The following MDGA2 variants were observed in gnomAD, a reference collection of about 807,000 sequenced individuals.
MDGA2 encodes MAM domain containing glycosylphosphatidylinositol anchor 2.
In MDGA2, 40 loss-of-function variants were observed where a neutral mutation model predicts 117.8. That is an observed-to-expected ratio of 0.34 (90% CI 0.26 to 0.44). MDGA2 has a LOEUF of 0.44. MDGA2 is among the 20% of genes least tolerant of loss of function. The pLI is 1.00. For missense variants in MDGA2, 1,123 were observed against 1,250.6 expected, an observed-to-expected ratio of 0.90 and a Z score of 1.54; for synonymous variants, 452 against 439.0, an observed-to-expected ratio of 1.03 and a Z score of -0.37.
rs1362627222 is a variant in MDGA2, at chr14:47,035,260, T to A, written c.1570A>T (p.Thr524Ser). The change falls in exon 8 of 17, where the codon ACC becomes TCC. Residue 524 changes from threonine (T) to serine (S), a missense_variant. Physicochemically the swap from Thr to Ser is moderately conservative, Grantham distance 58. This residue lies in a region of MDGA2 where 890 missense variants were observed against 1,050.3 expected (regional missense o/e 0.85). Coordinates refer to ENST00000399232, the MANE Select transcript of MDGA2 (RefSeq NM_001113498.3). Reference protein sequence around the residue: ...TVPQEKSPLVTREGDTIELQC... With the variant: ...TVPQEKSPLVSREGDTIELQC... ...AGTTCTATTGTGTCTCCTTCTCTGG[T>A]GACCAATGGTGATTTTTCCTGTGGA... 5 of 1,613,924 alleles carry A rather than the reference T, an allele frequency of 3.1e-6. No homozygotes were observed. Among genetic ancestry groups the A allele is most frequent in the Non-Finnish European group, 4.2e-6 (5 of 1,179,956 alleles).
At chr14:47,198,083 C>T (rs1270683130) in intron 3 of MDGA2, among the ~76,000 whole-genome samples, 2 of 152,044 alleles carry the variant, frequency 1.3e-5, no homozygotes, top group African/African-American at 4.8e-5. Context: ...TATTCATAGC[C>T]ATGTAATTAT....
chr14:47,238,118 C>T (rs949373931), intron 2 of MDGA2, among the ~76,000 whole-genome samples: 11 of 152,188 alleles, frequency 7.2e-5, no homozygotes, highest in Non-Finnish European at 1.5e-4. Context: ...CTTTTAACTT[C>T]ATGCAAGCCT....
intron 1 of MDGA2, among the ~76,000 whole-genome samples, chr14:47,650,448 G>A (rs932192740): frequency 2.0e-5 from 3 of 152,196 alleles, no homozygotes; most frequent in Non-Finnish European, 4.4e-5. Flanking sequence ...TGTGTGGAGT[G>A]TGCAGGTTCT....
intron 1 of MDGA2, among the ~76,000 whole-genome samples, chr14:47,642,075 G>A (rs1402878930): frequency 6.6e-6 from 1 of 152,080 alleles, no homozygotes; most frequent in Non-Finnish European, 1.5e-5. Flanking sequence ...AAAATAAGGA[G>A]GGGAGAAGAT....
At chr14:46,979,671 A>G (rs1322211906) in intron 8 of MDGA2, among the ~76,000 whole-genome samples, 1 of 152,168 alleles carries the variant, frequency 6.6e-6, no homozygotes, top group Non-Finnish European at 1.5e-5. Context: ...CCCAAACCCT[A>G]ATTTACAGCA....
intron 8 of MDGA2, among the ~76,000 whole-genome samples, chr14:47,030,165 C>T (rs1351354461): frequency 2.0e-5 from 3 of 151,896 alleles, no homozygotes; most frequent in Admixed American, 6.6e-5. Flanking sequence ...TTTGGAAATC[C>T]AATGGAACTT....
intron 1 of MDGA2, among the ~76,000 whole-genome samples, chr14:47,522,532 G>C (rs1048978599): frequency 1.3e-5 from 2 of 152,040 alleles, no homozygotes; most frequent in African/African-American, 4.8e-5. Flanking sequence ...AAACTGTAAA[G>C]TTAGAACAAT....
At chr14:47,108,901 T>A (rs1880887352) in intron 5 of MDGA2, among the ~76,000 whole-genome samples, 1 of 152,224 alleles carries the variant, frequency 6.6e-6, no homozygotes, top group Non-Finnish European at 1.5e-5. Flanking sequence ...GTTGGGGTAC[T>A]AATACCTAGC....
chr14:47,406,337 A>G (rs905139318), intron 1 of MDGA2, among the ~76,000 whole-genome samples: 9 of 152,056 alleles, frequency 5.9e-5, no homozygotes, highest in Non-Finnish European at 7.4e-5. Flanking sequence ...AACAATACAA[A>G]TTTCTGAATT....
chr14:47,200,875 C>T (rs1489941632), intron 3 of MDGA2: 4 of 857,752 alleles, frequency 4.7e-6, no homozygotes, highest in African/African-American at 3.3e-5. Context: ...TGCCGTCAAA[C>T]ACCTTAAGGC....
intron 1 of MDGA2, among the ~76,000 whole-genome samples, chr14:47,601,393 AT>A (rs201431056): frequency 1.3e-5 from 2 of 151,986 alleles, no homozygotes; most frequent in Admixed American, 6.6e-5. Context: ...TTAGAAGCAA[AT>A]TTTTTTAAAA....
chr14:47,170,587 A>C (rs546071054), intron 3 of MDGA2, among the ~76,000 whole-genome samples: 71 of 152,316 alleles, frequency 4.7e-4, no homozygotes, highest in Non-Finnish European at 8.1e-4. Context: ...TTTCTGCAAG[A>C]ATTAAAAAGC....
chr14:47,492,985 C>T (rs1209082099), intron 1 of MDGA2, among the ~76,000 whole-genome samples: 1 of 151,964 alleles, frequency 6.6e-6, no homozygotes, highest in African/African-American at 2.4e-5. Context: ...TCTAATGCTA[C>T]ATTTATCTTT....
intron 8 of MDGA2, among the ~76,000 whole-genome samples, chr14:46,962,292 G>A (rs17117854): frequency 0.12 from 17,941 of 152,096 alleles, 2,014 homozygotes; most frequent in African/African-American, 0.27. Context: ...ATCCCATCCT[G>A]TTCATTTCAA....
At chr14:47,498,663 T>C (rs998149370) in intron 1 of MDGA2, among the ~76,000 whole-genome samples, 10 of 152,246 alleles carry the variant, frequency 6.6e-5, no homozygotes, top group East Asian at 1.9e-4. Context: ...ATTACTTAAA[T>C]TGTTATCGAA....
intron 2 of MDGA2, among the ~76,000 whole-genome samples, chr14:47,227,113 G>C (rs576614422): frequency 6.6e-6 from 1 of 152,104 alleles, no homozygotes; most frequent in African/African-American, 2.4e-5. Context: ...ATATGTTGTA[G>C]GAGATAATAG....
At chr14:47,434,703 T>A (rs1892863608) in intron 1 of MDGA2, among the ~76,000 whole-genome samples, 1 of 152,162 alleles carries the variant, frequency 6.6e-6, no homozygotes, top group Non-Finnish European at 1.5e-5. Flanking sequence ...TGGGCTAATA[T>A]AATTTTCACC....
chr14:47,086,497 C>T (rs1890906251), intron 6 of MDGA2, among the ~76,000 whole-genome samples: 1 of 151,894 alleles, frequency 6.6e-6, no homozygotes, highest in Admixed American at 6.6e-5. Context: ...AAACCACATG[C>T]AATTCAAAAT....
intron 1 of MDGA2, among the ~76,000 whole-genome samples, chr14:47,561,604 T>A (rs1895818582): frequency 6.6e-6 from 1 of 152,204 alleles, no homozygotes; most frequent in Admixed American, 6.5e-5. Flanking sequence ...TGAAGTTGTT[T>A]ATCCAGTCAA....
Sources: gnomAD v4.1 joint callset for allele counts (sites outside exome capture counted in the v4.1 genomes callset) on GRCh38, gnomAD v4.1.1 for gene constraint, gnomAD v4.1.1 regional missense constraint, MANE v1.5 for transcripts, NCBI Gene and HGNC (gene_info 2026-07-23, HGNC 2026-07-21) for gene names.